JAK1: variants seen among roughly 807,000 people sequenced by gnomAD.
JAK1 encodes the protein Janus kinase 1.
In JAK1, 16 loss-of-function variants were observed where a neutral mutation model predicts 136.6. The observed-to-expected ratio is 0.12, with a 90% confidence interval of 0.08 to 0.18. The LOEUF is 0.18. Ranked by LOEUF, JAK1 falls within the 10% of genes least tolerant of loss-of-function variation. The probability of loss-of-function intolerance (pLI) is 1.00; values close to 1 mark genes in which losing one functional copy is unlikely to be tolerated. For synonymous variants in JAK1, 492 were observed against 519.5 expected (o/e 0.95, Z 0.72); for missense variants, 859 against 1,450.1 (o/e 0.59, Z 6.62).
intron 1 of JAK1, among the ~76,000 whole-genome samples, chr1:64,940,678 AAG>A (rs1645873941): frequency 6.6e-6 from 1 of 152,150 alleles, no homozygotes; most frequent in Non-Finnish European, 1.5e-5. Context: ...GTTCGTAGGC[AAG>A]AGTCAGTAGG....
intron 1 of JAK1, among the ~76,000 whole-genome samples, chr1:64,938,590 A>G (rs1293863132): frequency 6.6e-6 from 1 of 152,220 alleles, no homozygotes; most frequent in Non-Finnish European, 1.5e-5. Context: ...TGACACCAGA[A>G]CTATTTATCT....
chr1:65,005,800 A>G (rs1372144931), intron 2 of JAK1, among the ~76,000 whole-genome samples: 4 of 152,200 alleles, frequency 2.6e-5, no homozygotes, highest in Admixed American at 1.3e-4. Context: ...GAACTTGACA[A>G]CTTAATTATA....
intron 4 of JAK1, among the ~76,000 whole-genome samples, chr1:64,874,899 T>C (rs1054093405): frequency 1.3e-5 from 2 of 152,132 alleles, no homozygotes; most frequent in African/African-American, 4.8e-5. Context: ...ACTCTGTGAG[T>C]TCCTGTCTCT....
At chr1:64,983,302 C>A (rs546684400) in intron 2 of JAK1, among the ~76,000 whole-genome samples, 1 of 152,266 alleles carries the variant, frequency 6.6e-6, no homozygotes, top group South Asian at 2.1e-4. Flanking sequence ...AAGATTCAAT[C>A]CCCCTAAGGG....
At chr1:64,861,652 G>A (rs1656348783) in intron 8 of JAK1, among the ~76,000 whole-genome samples, 1 of 152,178 alleles carries the variant, frequency 6.6e-6, no homozygotes, top group Non-Finnish European at 1.5e-5. Flanking sequence ...GCAGAAATGA[G>A]AGGACAGTGA....
intron 2 of JAK1, among the ~76,000 whole-genome samples, chr1:65,030,457 C>A (rs1221111171): frequency 7.2e-5 from 11 of 152,042 alleles, no homozygotes. Flanking sequence ...ATTTGAAAAT[C>A]ATCAGTGAAT....
intron 2 of JAK1, among the ~76,000 whole-genome samples, chr1:65,018,867 C>T (rs1006614686): frequency 6.6e-6 from 1 of 151,998 alleles, no homozygotes; most frequent in Admixed American, 6.6e-5. Context: ...AAAAATTAGC[C>T]GGGCGTGGTG....
chr1:64,843,487 C>T (rs1445714047), intron 17 of JAK1, among the ~76,000 whole-genome samples: 2 of 152,200 alleles, frequency 1.3e-5, no homozygotes, highest in African/African-American at 4.8e-5. Context: ...ACCTGAGTCT[C>T]AGTTACCTGA....
intron 2 of JAK1, among the ~76,000 whole-genome samples, chr1:64,976,605 G>A (rs1483189875): frequency 6.6e-6 from 1 of 152,192 alleles, no homozygotes; most frequent in Non-Finnish European, 1.5e-5. Flanking sequence ...CTGCAGAGGA[G>A]GCTATTATTA....
chr1:65,035,093 A>AAATAAAT lies in JAK1; in HGVS notation c.-78+9380_-78+9386dup, dbSNP rs1647061437. Among the ~76,000 whole-genome samples, 3 of 147,038 alleles carry AAATAAAT rather than the reference A, an allele frequency of 2.0e-5. No individual in the cohort carries two copies. The South Asian group carries it at 6.4e-4, about 31-fold the overall frequency. ...ATAAATAAATAAATAAATAAATAAT[A>AAATAAAT]AATAAATTCTCTTAGTAATGCCATT... On this transcript the variant is annotated intron_variant, in intron 2 of 25. Transcript: ENST00000671954.
chr1:64,839,877 C>G (rs1428979593), intron 19 of JAK1, 82 bp from the exon 20 acceptor site: 2 of 1,230,232 alleles, frequency 1.6e-6, no homozygotes, highest in African/African-American at 3.0e-5. Context: ...CTCCTCACAG[C>G]CGTTCCCCTG....
At chr1:65,050,214 A>G (rs967754101) in intron 1 of JAK1, among the ~76,000 whole-genome samples, 7 of 152,198 alleles carry the variant, frequency 4.6e-5, no homozygotes, top group Non-Finnish European at 1.0e-4. Flanking sequence ...TGCAAACACA[A>G]CAATGGGTAG....
chr1:65,064,003 A>T lies in JAK1; in HGVS notation c.-181+3601T>A, dbSNP rs575066319. Among the ~76,000 whole-genome samples, 20 of 152,282 alleles carry T rather than the reference A, an allele frequency of 1.3e-4. No individual in the cohort carries two copies. In the Middle Eastern group the frequency reaches 0.01, roughly 78 times the overall value. On this transcript the variant is annotated intron_variant, in intron 1 of 25. Coordinates refer to the JAK1 transcript ENST00000671954. ...AACCCAATATATCTAAAATATTATC[A>T]TCTGAACATGGAATCAACATAAAAT...
At chr1:64,883,015 T>C (rs577285553) in intron 3 of JAK1, among the ~76,000 whole-genome samples, 3 of 152,186 alleles carry the variant, frequency 2.0e-5, no homozygotes, top group Admixed American at 6.5e-5. Context: ...TCAAGCGTCA[T>C]CCCCTGGTAT....
At chr1:64,929,079 TA>T (rs1414387622) in intron 1 of JAK1, among the ~76,000 whole-genome samples, 4 of 152,184 alleles carry the variant, frequency 2.6e-5, no homozygotes, top group Non-Finnish European at 4.4e-5. Flanking sequence ...TCTGGTGCCT[TA>T]AAACTGTTCA....
In JAK1 at chr1:64,855,487, G is replaced by C. The variant is rs1208423685; in HGVS notation, c.1648+22C>G. 3.1e-6 allele frequency: 5 copies of C among 1,610,498 alleles called. No homozygotes were observed. In the East Asian group the frequency reaches 1.1e-4, roughly 36 times the overall value. ...CACATTACTGATGGGATACAGCCTG[G>C]CTCTGGCACAGGGAGACGAACCTCG... On this transcript the variant is annotated intron_variant, in intron 11 of 24. Transcript: ENST00000342505.
chr1:64,967,209 TAATC>T, upstream of JAK1, among the ~76,000 whole-genome samples: 1 of 152,340 alleles, frequency 6.6e-6, no homozygotes, highest in East Asian at 1.9e-4. Context: ...TTTAGTGTCT[TAATC>T]AAGGTCACAC....
At chr1:65,043,086 G>T (rs1201654719) in intron 2 of JAK1, among the ~76,000 whole-genome samples, 1 of 152,160 alleles carries the variant, frequency 6.6e-6, no homozygotes, top group Non-Finnish European at 1.5e-5. Flanking sequence ...GTAGATCATG[G>T]AATCTAATGT....
chr1:65,000,614 T>C (rs1255320097), intron 2 of JAK1, among the ~76,000 whole-genome samples: 1 of 152,056 alleles, frequency 6.6e-6, no homozygotes, highest in Non-Finnish European at 1.5e-5. Flanking sequence ...AAATGTACAA[T>C]GGAATACGAA....
Sources: allele counts gnomAD v4.1 joint callset (sites outside exome capture counted in the v4.1 genomes callset), GRCh38; gene constraint gnomAD v4.1.1; transcripts MANE v1.5; gene names NCBI Gene and HGNC (gene_info 2026-07-23, HGNC 2026-07-21).